Variants in NCALD observed in about 807,000 individuals in gnomAD.
NCALD encodes the protein neurocalcin delta, also known as neurocalcin-delta.
A neutral mutation model predicts 18.6 loss-of-function variants in NCALD; 10 were observed. That is an observed-to-expected ratio of 0.54 (90% confidence interval 0.33 to 0.91). The LOEUF (loss-of-function observed/expected upper bound fraction) is 0.91. Among genes scored for constraint, NCALD ranks in the 40% least tolerant of loss-of-function variants. The pLI is 0.03. For missense variants in NCALD, 184 were observed against 247.6 expected, an observed-to-expected ratio of 0.74 and a Z score of 1.72; for synonymous variants, 88 against 87.4, an observed-to-expected ratio of 1.01 and a Z score of -0.04.
intron 4 of NCALD, among the ~76,000 whole-genome samples, chr8:101,844,042 A>G (rs1032029781): frequency 6.6e-6 from 1 of 152,328 alleles, no homozygotes; most frequent in East Asian, 1.9e-4. Context: ...CGCTAGGCCC[A>G]GCACAGTTCT....
intron 4 of NCALD, among the ~76,000 whole-genome samples, chr8:101,808,722 C>T (rs537956851): frequency 1.3e-5 from 2 of 152,138 alleles, no homozygotes; most frequent in South Asian, 4.2e-4. Context: ...TGCTTGGGAC[C>T]ATGAGTATGG....
intron 3 of NCALD, among the ~76,000 whole-genome samples, chr8:101,890,481 C>G (rs1292119321): frequency 6.6e-6 from 1 of 152,174 alleles, no homozygotes; most frequent in East Asian, 1.9e-4. Context: ...CCCAATGCAA[C>G]AGTATTGAGA....
intron 2 of NCALD, among the ~76,000 whole-genome samples, chr8:101,943,000 G>T (rs1038030584): frequency 8.5e-5 from 13 of 152,294 alleles, no homozygotes; most frequent in African/African-American, 2.9e-4. Context: ...TCATGAGAAG[G>T]GGCATTTGAG....
At chr8:101,907,676 A>G (rs1369298974) in intron 3 of NCALD, among the ~76,000 whole-genome samples, 2 of 152,126 alleles carry the variant, frequency 1.3e-5, no homozygotes, top group East Asian at 1.9e-4. Flanking sequence ...AGGAGGCAAT[A>G]TATCATTATT....
At position 102,078,631 on chromosome 8, in the gene NCALD, C is replaced by G. The variant is rs560210072; in HGVS notation, c.-210+45606G>C. Among the ~76,000 whole-genome samples the G allele has an allele frequency of 7.2e-5, 11 of 152,350 alleles. No individual in the cohort carries two copies. In the East Asian group the frequency reaches 2.1e-3, roughly 29 times the overall value. ...CAAAGCACCACCTTCACTCCTCACA[C>G]ACAACCTTGACTCATGCTGGCCTCT... On this transcript the variant is annotated intron_variant, in intron 1 of 6. Transcript: ENST00000311028.
At chr8:101,864,350 A>C (rs544336532) in intron 4 of NCALD, among the ~76,000 whole-genome samples, 3 of 152,312 alleles carry the variant, frequency 2.0e-5, no homozygotes, top group Admixed American at 6.5e-5. Context: ...CACAGTGCAC[A>C]CAGTGCATGT....
chr8:102,045,684 G>A (rs1823212775), intron 1 of NCALD, among the ~76,000 whole-genome samples: 1 of 151,808 alleles, frequency 6.6e-6, no homozygotes, highest in South Asian at 2.1e-4. Flanking sequence ...TCATTGTGAC[G>A]CTGTATGCCC....
rs113757226 is a variant in NCALD at position 101,993,242 on chromosome 8, G to A, written c.-157+26995C>T. 5.9e-3 allele frequency among the ~76,000 whole-genome samples: 894 copies of A among 151,546 alleles called. 12 individuals carry two copies. The highest frequency in any genetic ancestry group is 0.02 in the African/African-American group (843 of 41,250). ...CTACTGCCGCCACTTTTTCCCTGGT[G>A]CTACATAAATTTAGAATGCCGTACC... is the stretch of plus-strand genomic sequence containing the variant. On this transcript the variant is annotated intron_variant, in intron 2 of 6. Transcript: ENST00000311028.
intron 1 of NCALD, among the ~76,000 whole-genome samples, chr8:101,722,251 C>A (rs1341809627): frequency 6.6e-6 from 1 of 152,110 alleles, no homozygotes; most frequent in Non-Finnish European, 1.5e-5. Flanking sequence ...CTTTCACTTC[C>A]CTCTGTGTCC....
chr8:101,710,941 G>A (rs1487807919), intron 2 of NCALD, among the ~76,000 whole-genome samples: 3 of 152,148 alleles, frequency 2.0e-5, no homozygotes, highest in African/African-American at 7.2e-5. Context: ...TCCTCAAGTG[G>A]GTCCCTGACC....
At chr8:101,717,700 G>GC (rs1816151242) in intron 2 of NCALD, among the ~76,000 whole-genome samples, 1 of 151,736 alleles carries the variant, frequency 6.6e-6, no homozygotes, top group Non-Finnish European at 1.5e-5. Context: ...AGAAAAGACG[G>GC]CCAGACAAAG....
chr8:102,080,622 C>T (rs186009316), intron 1 of NCALD, among the ~76,000 whole-genome samples: 2 of 152,310 alleles, frequency 1.3e-5, no homozygotes, highest in Non-Finnish European at 2.9e-5. Flanking sequence ...TCATTTTACT[C>T]AGAAGGAAGG....
At chr8:101,805,391 C>CA (rs1423782641) in intron 4 of NCALD, among the ~76,000 whole-genome samples, 1 of 152,154 alleles carries the variant, frequency 6.6e-6, no homozygotes, top group Non-Finnish European at 1.5e-5. Context: ...TGAGTGCACC[C>CA]AAGAGGTTGG....
At chr8:101,730,830 A>G (rs891731442) in intron 1 of NCALD, among the ~76,000 whole-genome samples, 4 of 152,254 alleles carry the variant, frequency 2.6e-5, no homozygotes, top group African/African-American at 9.6e-5. Context: ...CATTGGCAAG[A>G]ACTTATTCTT....
chr8:101,948,042 G>A (rs1819245970), intron 2 of NCALD, among the ~76,000 whole-genome samples: 1 of 152,244 alleles, frequency 6.6e-6, no homozygotes. Flanking sequence ...AAGGAAGCTG[G>A]CCATTATCTA....
intron 1 of NCALD, among the ~76,000 whole-genome samples, chr8:101,720,429 G>A (rs547131424): frequency 1.1e-4 from 17 of 152,194 alleles, no homozygotes; most frequent in African/African-American, 4.1e-4. Flanking sequence ...GTGATACATA[G>A]GGAAAAAAAG....
rs532924639 is a variant in NCALD at position 101,863,759 on chromosome 8, AG to A, written c.-20+23381del. Reference sequence around the variant, plus strand: ...GAGTGGGGAGGACTAATTCAGACAAAGGGGTAGAGGAAGGGCTCTCTGAGGC... The same window carrying A: ...GAGTGGGGAGGACTAATTCAGACAAAGGGTAGAGGAAGGGCTCTCTGAGGC... On this transcript the variant is annotated intron_variant, in intron 4 of 6. Transcript: ENST00000311028. Among the ~76,000 whole-genome samples, 36 of 152,290 alleles carry A rather than the reference AG, an allele frequency of 2.4e-4. 1 individual carries two copies. In the South Asian group the frequency reaches 6.6e-3, roughly 28 times the overall value.
chr8:101,698,309 C>G (rs781743308), intron 2 of NCALD, among the ~76,000 whole-genome samples: 3 of 152,188 alleles, frequency 2.0e-5, no homozygotes, highest in Non-Finnish European at 4.4e-5. Context: ...GAGAAACACT[C>G]CATCCTCACG....
At chr8:102,032,305 T>TA (rs531911289) in intron 1 of NCALD, among the ~76,000 whole-genome samples, 1 of 152,058 alleles carries the variant, frequency 6.6e-6, no homozygotes, top group Non-Finnish European at 1.5e-5. Context: ...AAACCACACT[T>TA]ACGGCTTCAA....
Sources: gnomAD v4.1 joint callset for allele counts (sites outside exome capture counted in the v4.1 genomes callset) on GRCh38, gnomAD v4.1.1 for gene constraint, MANE v1.5 for transcripts, NCBI Gene and HGNC (gene_info 2026-07-23, HGNC 2026-07-21) for gene names.